Variants in RELCH observed in about 807,000 individuals in gnomAD.
RELCH encodes the protein RAB11 binding and LisH domain, coiled-coil and HEAT repeat containing, also known as RAB11-binding protein RELCH.
In RELCH, 41 loss-of-function variants were observed where a neutral mutation model predicts 150.3. The ratio of observed to expected loss-of-function variants is 0.27; its 90% CI spans 0.21 to 0.35. The LOEUF (loss-of-function observed/expected upper bound fraction) is 0.35, where lower values mean the gene tolerates loss of function less well. Among genes scored for constraint, RELCH ranks in the 10% least tolerant of loss-of-function variants. The pLI, the probability that RELCH is intolerant of heterozygous loss-of-function variation, is 1.00. For missense variants in RELCH, 1,092 were observed against 1,467.8 expected, an observed-to-expected ratio of 0.74 and a Z score of 4.18; for synonymous variants, 478 against 531.8, an observed-to-expected ratio of 0.90 and a Z score of 1.39.
At chr18:62,240,304 G>A (rs1214339138) in intron 10 of RELCH, among the ~76,000 whole-genome samples, 1 of 151,344 alleles carries the variant, frequency 6.6e-6, no homozygotes, top group Non-Finnish European at 1.5e-5. Context: ...TTTGGATTGT[G>A]CAAAAGAATT....
intron 1 of RELCH, among the ~76,000 whole-genome samples, chr18:62,200,665 T>A (rs2039372049): frequency 6.6e-6 from 1 of 151,934 alleles, no homozygotes; most frequent in Non-Finnish European, 1.5e-5. Flanking sequence ...GTGTTTCACA[T>A]CTTTCCTTTC....
rs1211658119 is a variant in RELCH at position 62,187,525 on chromosome 18, G to A, written c.20G>A (p.Gly7Glu). MAAMAP[G>E]GSGSGGGVNP... The stretch of plus-strand genomic sequence containing the variant: ...GATAAGATGGCGGCGATGGCGCCTG[G>A]AGGTAGTGGCAGTGGTGGCGGCGTG... Residue 7 changes from glycine (G) to glutamate (E), a missense_variant, in exon 1 of 29, where the codon GGA becomes GAA. Gly to Glu is a moderately conservative substitution (Grantham distance 98, BLOSUM62 -2). Transcript: ENST00000644646. 20 of 1,515,266 alleles carry A rather than the reference G, an allele frequency of 1.3e-5. No individual in the cohort carries two copies. The South Asian group carries it at 2.7e-4, about 20-fold the overall frequency. The allele number at this position is 1,515,266 out of a possible 1,614,324, so 93.9% of individuals were successfully genotyped here.
intron 14 of RELCH, among the ~76,000 whole-genome samples, 177 bp downstream of exon 14, chr18:62,258,265 A>G (rs1394495204): frequency 6.6e-6 from 1 of 151,998 alleles, no homozygotes; most frequent in Admixed American, 6.6e-5. Context: ...AGAGAATGCT[A>G]CACTTCAGTT....
At chr18:62,247,798 G>A (rs1266372458) in intron 11 of RELCH, among the ~76,000 whole-genome samples, 5 of 152,052 alleles carry the variant, frequency 3.3e-5, no homozygotes. Context: ...CTGCCTGCCT[G>A]GACTTTGCCA....
intron 28 of RELCH, 124 bp downstream of exon 28, chr18:62,298,984 A>G (rs2045544740): frequency 1.7e-6 from 1 of 589,272 alleles, no homozygotes; most frequent in Admixed American, 3.5e-5. Flanking sequence ...GAAGACAAGA[A>G]AATGATTTAA....
At chr18:62,201,600 T>C (rs1460011509) in intron 1 of RELCH, among the ~76,000 whole-genome samples, 1 of 152,170 alleles carries the variant, frequency 6.6e-6, no homozygotes, top group Non-Finnish European at 1.5e-5. Flanking sequence ...GCTCAAATAA[T>C]ACAAAGAGAA....
chr18:62,297,794 C>T (rs970367286), intron 27 of RELCH, among the ~76,000 whole-genome samples: 2 of 152,150 alleles, frequency 1.3e-5, no homozygotes, highest in African/African-American at 4.8e-5. Flanking sequence ...CAGGTCTAGT[C>T]ACACCTCACA....
intron 25 of RELCH, among the ~76,000 whole-genome samples, chr18:62,282,990 G>A (rs563771794): frequency 5.3e-5 from 8 of 152,294 alleles, no homozygotes; most frequent in African/African-American, 1.7e-4. Context: ...TAAGTATACA[G>A]ATGGTCTTAT....
chr18:62,191,270 G>T (rs2038614207), intron 1 of RELCH, among the ~76,000 whole-genome samples: 1 of 152,128 alleles, frequency 6.6e-6, no homozygotes, highest in Non-Finnish European at 1.5e-5. Flanking sequence ...TGGTATTTTT[G>T]GGCTTTTTAA....
Position 62,308,597 on chromosome 18 carries a change from A to C in RELCH, c.*3063A>C, listed in dbSNP as rs1435919417. The C allele has an allele frequency of 6.6e-6, 1 of 152,110 alleles. No individual in the cohort carries two copies. The highest frequency in any genetic ancestry group is 1.9e-4 in the East Asian group (1 of 5,156). 9.4% of individuals were successfully genotyped at this position (152,110 alleles called of 1,614,324 possible). On this transcript the variant is annotated 3_prime_UTR_variant, in exon 29 of 29. Transcript: ENST00000644646. ...CCAGGCGTGGTGACGTGGGCCTGTAATCCCTGCTACTCGGGAGGCTGAGAC... is the reference window on the plus strand; with the variant it reads ...CCAGGCGTGGTGACGTGGGCCTGTACTCCCTGCTACTCGGGAGGCTGAGAC...
rs180958325 is a variant in RELCH at position 62,210,599 on chromosome 18, A to G, written c.527-554A>G. On this transcript the variant is annotated intron_variant, in intron 1 of 28. Transcript: ENST00000644646. ...TATTAACTCCTTTCGTTTATTGTAT[A>G]CATATATTCCTTTACTTCACTGAGC... Among the ~76,000 whole-genome samples, 13 of 152,302 alleles carry G rather than the reference A, an allele frequency of 8.5e-5. No homozygotes were observed. The East Asian group carries it at 1.3e-3, about 16-fold the overall frequency.
chr18:62,279,789 G>A lies in RELCH; in HGVS notation c.2983G>A (p.Val995Met). 1 of 1,535,618 alleles carries A rather than the reference G, an allele frequency of 6.5e-7. No homozygotes were observed. The highest frequency in any genetic ancestry group is 8.7e-7 in the Non-Finnish European group (1 of 1,146,488). ...GACCAATCAGCTGTTGGTGAAGGGG[G>A]TGAATGAAACTCTGGTAGCTCAGAG... ...ARMFELLVKG[V>M]NETLVAQRVV... is the part of the protein sequence containing the mutation. The change falls in exon 23 of 29, where the codon GTG becomes ATG. Residue 995 changes from valine to methionine, a missense_variant. Physicochemically the swap from Val to Met is conservative, Grantham distance 21. This residue lies in a region of RELCH where 707 missense variants were observed against 1,025.4 expected (regional missense o/e 0.69). Transcript: ENST00000644646.
chr18:62,253,066 A>G (rs2042807539), intron 12 of RELCH, among the ~76,000 whole-genome samples: 1 of 152,164 alleles, frequency 6.6e-6, no homozygotes, highest in African/African-American at 2.4e-5. Context: ...ATGGTCTGCT[A>G]TTTTGTAGTA....
At chr18:62,245,927 C>G (rs1223726777) in intron 11 of RELCH, 4 of 152,106 alleles carry the variant, frequency 2.6e-5, no homozygotes, top group Admixed American at 2.6e-4. Context: ...GACTAGAAAA[C>G]GGCTCTTCTC....
chr18:62,257,920 TA>T (rs780120510), intron 13 of RELCH, 27 bp from the exon 14 acceptor site: 1 of 1,554,858 alleles, frequency 6.4e-7, no homozygotes, highest in South Asian at 1.2e-5. Flanking sequence ...TAGGTGTAAA[TA>T]AATAGTAAAA....
At chr18:62,300,447 G>A (rs1002648339) in intron 28 of RELCH, 2 of 152,180 alleles carry the variant, frequency 1.3e-5, no homozygotes, top group Admixed American at 6.5e-5. Context: ...AAAAGCACAA[G>A]AGGAAAGTAT....
Position 62,268,879 on chromosome 18 carries a change from A to G in RELCH, c.2691A>G (p.Ala897=), listed in dbSNP as rs756581910. The G allele has an allele frequency of 6.6e-7, 1 of 1,511,038 alleles. No homozygotes were observed. The highest frequency in any genetic ancestry group is 1.3e-5 in the South Asian group (1 of 76,690). 93.6% of individuals were successfully genotyped at this position (1,511,038 alleles called of 1,614,324 possible). The stretch of plus-strand genomic sequence containing the variant: ...TTTTAATAATTTTAGATTCCTCAGC[A>G]GGAAATGGGGTCCTCACTAAAGCTA... ...RLSEENIDSS[A]GNGVLTKATV... is the part of the protein sequence containing the mutation. Residue 897 remains alanine, a synonymous_variant, in exon 20 of 29, where the codon GCA becomes GCG. Transcript: ENST00000644646.
chr18:62,237,736 G>GA (rs1244174941), intron 10 of RELCH, among the ~76,000 whole-genome samples: 1 of 151,398 alleles, frequency 6.6e-6, no homozygotes, highest in East Asian at 1.9e-4. Flanking sequence ...GAAAAATAAA[G>GA]AAAAAAATCC....
intron 25 of RELCH, among the ~76,000 whole-genome samples, chr18:62,286,968 T>G (rs2044836702): frequency 6.6e-6 from 1 of 152,192 alleles, no homozygotes; most frequent in Admixed American, 6.5e-5. Context: ...ATAGCAATGG[T>G]AATATTTTAT....
Sources: gnomAD v4.1 joint callset for allele counts (sites outside exome capture counted in the v4.1 genomes callset) on GRCh38, gnomAD v4.1.1 for gene constraint, gnomAD v4.1.1 regional missense constraint, MANE v1.5 for transcripts, NCBI Gene and HGNC (gene_info 2026-07-23, HGNC 2026-07-21) for gene names.